The following DNAAF11 variants were observed in gnomAD, a reference collection of about 807,000 sequenced individuals.
DNAAF11 encodes dynein axonemal assembly factor 11.
In DNAAF11, 45 loss-of-function variants were observed where a neutral mutation model predicts 60.8. That is an observed-to-expected ratio of 0.74 (90% CI 0.58 to 0.95). The LOEUF is 0.95. Ranked by LOEUF, DNAAF11 falls within the 40% of genes least tolerant of loss-of-function variation. The probability of loss-of-function intolerance (pLI) is 0.00; values close to 1 mark genes in which losing one functional copy is unlikely to be tolerated. For synonymous variants in DNAAF11, 191 were observed against 183.5 expected (o/e 1.04, Z -0.33); for missense variants, 546 against 546.2 (o/e 1.00, Z 0.00).
chr8:132,607,649 T>C (rs773057182), intron 10 of DNAAF11, among the ~76,000 whole-genome samples: 7 of 152,252 alleles, frequency 4.6e-5, no homozygotes, highest in Non-Finnish European at 1.0e-4. Context: ...TCTATCTCTG[T>C]ATATTTGAAT....
chr8:132,645,806 G>A (rs1822320662), intron 3 of DNAAF11, among the ~76,000 whole-genome samples: 1 of 152,092 alleles, frequency 6.6e-6, no homozygotes. Flanking sequence ...AAAAAGAAAT[G>A]AACAAATCCT....
chr8:132,596,665 T>C (rs912965171), intron 10 of DNAAF11, among the ~76,000 whole-genome samples: 2 of 152,148 alleles, frequency 1.3e-5, no homozygotes, highest in African/African-American at 4.8e-5. Flanking sequence ...ACAGTAGTGG[T>C]GTTCACAGTA....
At chr8:132,619,981 CT>C (rs1041107281) in intron 7 of DNAAF11, among the ~76,000 whole-genome samples, 9 of 152,064 alleles carry the variant, frequency 5.9e-5, no homozygotes, top group Non-Finnish European at 1.3e-4. Flanking sequence ...CTCCTGATTG[CT>C]TTTTTTCTCA....
At chr8:132,690,965 C>A in the DNAAF11 span, among the ~76,000 whole-genome samples, 1 of 152,242 alleles carries the variant, frequency 6.6e-6, no homozygotes. Flanking sequence ...TAGTATTTGT[C>A]AGATTTCTTC....
At chr8:132,582,677 A>G (rs1293593219) in intron 11 of DNAAF11, among the ~76,000 whole-genome samples, 1 of 152,222 alleles carries the variant, frequency 6.6e-6, no homozygotes, top group African/African-American at 2.4e-5. Flanking sequence ...ATGTTTAAAA[A>G]TCTCTACAAA....
At chr8:132,697,766 A>C in the DNAAF11 span, among the ~76,000 whole-genome samples, 1 of 152,152 alleles carries the variant, frequency 6.6e-6, no homozygotes, top group African/African-American at 2.4e-5. Context: ...TAAAGTCTTC[A>C]AGAAATGAGG....
At chr8:132,697,603 G>A in the DNAAF11 span, among the ~76,000 whole-genome samples, 1 of 148,402 alleles carries the variant, frequency 6.7e-6, no homozygotes, top group South Asian at 2.1e-4. Context: ...GGGAGACAGA[G>A]CGAGACCCCA....
intron 5 of DNAAF11, among the ~76,000 whole-genome samples, chr8:132,628,142 G>A (rs2130376576): frequency 6.6e-6 from 1 of 152,136 alleles, no homozygotes; most frequent in African/African-American, 2.4e-5. Flanking sequence ...GGCTGGGTGG[G>A]GTGGCTCACG....
chr8:132,586,153 A>T (rs1005821169), intron 10 of DNAAF11, among the ~76,000 whole-genome samples: 1 of 152,186 alleles, frequency 6.6e-6, no homozygotes, highest in Non-Finnish European at 1.5e-5. Context: ...AACGGGGGGA[A>T]GGGGTCTCCT....
In DNAAF11 at chr8:132,615,024, G is replaced by T. The variant is rs780037666; in HGVS notation, c.974+14C>A. 142 of 1,532,744 alleles carry T rather than the reference G, an allele frequency of 9.3e-5. No homozygotes were observed. Among genetic ancestry groups the T allele is most frequent in the Non-Finnish European group, 1.2e-4 (139 of 1,116,924 alleles). 94.9% of individuals were successfully genotyped at this position (1,532,744 alleles called of 1,614,324 possible). Reference sequence around the variant, plus strand: ...CAGAAATGTCATAAATAAATACGTAGAAAATGTCTTTACCTATAGACAGCA... The same window carrying T: ...CAGAAATGTCATAAATAAATACGTATAAAATGTCTTTACCTATAGACAGCA... On this transcript the variant is annotated intron_variant, in intron 8 of 11. Coordinates refer to ENST00000620350, the MANE Select transcript of DNAAF11 (RefSeq NM_012472.6).
chr8:132,619,848 G>A (rs1051609395), intron 7 of DNAAF11, among the ~76,000 whole-genome samples: 3 of 152,212 alleles, frequency 2.0e-5, no homozygotes, highest in Non-Finnish European at 2.9e-5. Flanking sequence ...AGAGGGGATG[G>A]AGTCAGGGTG....
intron 10 of DNAAF11, among the ~76,000 whole-genome samples, chr8:132,596,846 G>A (rs557406076): frequency 6.6e-6 from 1 of 152,324 alleles, no homozygotes; most frequent in East Asian, 1.9e-4. Flanking sequence ...CTGGTTCCCA[G>A]CCTCGAAGGG....
intron 3 of DNAAF11, among the ~76,000 whole-genome samples, chr8:132,644,100 T>C (rs1015058256): frequency 6.6e-6 from 1 of 152,134 alleles, no homozygotes; most frequent in African/African-American, 2.4e-5. Context: ...TAATATTAAA[T>C]ACATATATCA....
At chr8:132,613,800 C>T (rs776858260) in intron 8 of DNAAF11, among the ~76,000 whole-genome samples, 2 of 152,178 alleles carry the variant, frequency 1.3e-5, no homozygotes, top group Admixed American at 6.5e-5. Context: ...AAGTTACCCC[C>T]TCTTGGGTAA....
Position 132,572,267 on chromosome 8 carries a change from C to A in DNAAF11, c.*39G>T. 3 of 1,584,884 alleles carry A rather than the reference C, an allele frequency of 1.9e-6. No individual in the cohort carries two copies. Among genetic ancestry groups the A allele is most frequent in the Non-Finnish European group, 1.7e-6 (2 of 1,164,952 alleles). On this transcript the variant is annotated 3_prime_UTR_variant, in exon 12 of 12. Transcript: ENST00000620350. ...GGTCTCTACACCAACCAAAACTGGA[C>A]CTGGTGGGTCTCAGCCAATGGCAAC...
chr8:132,617,103 C>T (rs1299412768), intron 7 of DNAAF11, among the ~76,000 whole-genome samples: 4 of 152,078 alleles, frequency 2.6e-5, no homozygotes, highest in Admixed American at 6.5e-5. Context: ...AACCAGGAAC[C>T]GAAACCCTCT....
At chr8:132,625,480 A>C (rs779458747) in intron 5 of DNAAF11, 26 bp from the exon 6 acceptor site, 2 of 1,553,108 alleles carry the variant, frequency 1.3e-6, no homozygotes, top group Non-Finnish European at 1.7e-6. Context: ...AGAGCACTTA[A>C]AAACAATAAT....
intron 1 of DNAAF11, among the ~76,000 whole-genome samples, chr8:132,666,533 G>T (rs1422726710): frequency 2.6e-5 from 4 of 152,156 alleles, no homozygotes. Flanking sequence ...GGATGAGCTT[G>T]AGAGAAGAGC....
At chr8:132,677,542 T>G (rs1483225081), upstream of DNAAF11, among the ~76,000 whole-genome samples, 1 of 152,206 alleles carries the variant, frequency 6.6e-6, no homozygotes. Flanking sequence ...TTTGACATGT[T>G]GGCTCTAAGC....
Sources: gnomAD v4.1 joint callset for allele counts (sites outside exome capture counted in the v4.1 genomes callset) on GRCh38, gnomAD v4.1.1 for gene constraint, MANE v1.5 for transcripts, NCBI Gene and HGNC (gene_info 2026-07-23, HGNC 2026-07-21) for gene names.